ANK3: variants seen among roughly 807,000 people sequenced by gnomAD.
The protein encoded by ANK3 is ankyrin 3.
A neutral mutation model predicts 370.9 loss-of-function variants in ANK3; 57 were observed. The observed-to-expected ratio is 0.15, with a 90% CI of 0.12 to 0.19. The LOEUF is 0.19. Among genes scored for constraint, ANK3 ranks in the 10% least tolerant of loss-of-function variants. ANK3 has a pLI of 1.00. For synonymous variants in ANK3, 1,929 were observed against 1,946.3 expected, an observed-to-expected ratio of 0.99 and a Z score of 0.23; for missense variants, 4,439 against 5,302.1, an observed-to-expected ratio of 0.84 and a Z score of 5.06.
rs749129953 is a variant in ANK3, at chr10:60,071,192, C to G, written c.9689G>C (p.Arg3230Pro). 1.2e-6 allele frequency: 2 copies of G among 1,614,138 alleles called. No homozygotes were observed. The highest frequency in any genetic ancestry group is 3.3e-5 in the Admixed American group (2 of 60,016). ...TTTGCTCACGTCATTAGGCATTTCA[C>G]GCTCAACTGCTGTTTCCTCCACTGT... ...QTTVEETAVE[R>P]EMPNDVSKDS... Residue 3230 changes from arginine (R) to proline (P), a missense_variant, in exon 37 of 44, where the codon CGT becomes CCT. By Grantham distance (103) the Arg-to-Pro change is moderately radical. Around this residue, in one of 13 missense-constraint regions of ANK3, gnomAD observed 1,601 missense variants for 1,731.7 expected, o/e 0.92. Transcript: ENST00000280772.
At position 60,504,347 on chromosome 10, in the gene ANK3, T is replaced by G. The variant is rs7903447; in HGVS notation, c.96+110839A>C. Among the ~76,000 whole-genome samples, 1,295 of 152,298 alleles carry G rather than the reference T, an allele frequency of 8.5e-3. 8 individuals carry two copies. The highest frequency in any genetic ancestry group is 0.013 in the African/African-American group (551 of 41,580). On this transcript the variant is annotated intron_variant, in intron 2 of 43. Coordinates refer to the ANK3 transcript ENST00000373827. ...ATGACAGGCATGGTAGGTGCAGCTT[T>G]CTTTATGCATAGCCAAATTTAGAGA... is the stretch of plus-strand genomic sequence containing the variant.
rs1180863397 is a variant in ANK3, at chr10:60,389,591, A to G, written c.-53T>C. 16 of 1,605,096 alleles carry G rather than the reference A, an allele frequency of 1.0e-5. No homozygotes were observed. The highest frequency in any genetic ancestry group is 1.7e-4 in the Middle Eastern group (1 of 6,016). ...ACACACGGCTTCCTTGTAAAAGGTG[A>G]TATCCTCAGGCACCTCTAATCAGGC... On this transcript the variant is annotated 5_prime_UTR_variant, in exon 1 of 44. Coordinates refer to ENST00000280772, the MANE Select transcript of ANK3 (RefSeq NM_020987.5).
chr10:60,075,094 G>T lies in ANK3; in HGVS notation c.5787C>A (p.Phe1929Leu), dbSNP rs749828001. Reference sequence around the variant, plus strand: ...TCCCTTCCTTTGGGAGTTCAGGTTGGAATGGCTTCTCCTCAGGCACATCTG... The same window carrying T: ...TCCCTTCCTTTGGGAGTTCAGGTTGTAATGGCTTCTCCTCAGGCACATCTG... ...LQTDVPEEKP[F>L]QPELPKEGRI... Residue 1929 changes from phenylalanine to leucine, a missense_variant, in exon 37 of 44, where the codon TTC becomes TTA. By Grantham distance (22) the Phe-to-Leu change is conservative (BLOSUM62 0). Around this residue, in one of 13 missense-constraint regions of ANK3, gnomAD observed 679 missense variants for 791.0 expected, o/e 0.86. Coordinates refer to ENST00000280772, the MANE Select transcript of ANK3 (RefSeq NM_020987.5). The T allele has an allele frequency of 6.2e-7, 1 of 1,614,022 alleles. No homozygotes were observed. The highest frequency in any genetic ancestry group is 1.1e-5 in the South Asian group (1 of 91,062).
At position 60,217,372 on chromosome 10, in the gene ANK3, C is replaced by T. The variant is rs374629916; in HGVS notation, c.898-3862G>A. On this transcript the variant is annotated intron_variant, in intron 8 of 43. Transcript: ENST00000280772. ...ATTAGGGTGTCGATCTGAGATCTTT[C>T]AAGCTTTCTGATGTGGGCATTTAGT... Among the ~76,000 whole-genome samples, 136 of 152,254 alleles carry T rather than the reference C, an allele frequency of 8.9e-4. 1 individual carries two copies. Among genetic ancestry groups the T allele is most frequent in the African/African-American group, 3.1e-3 (130 of 41,548 alleles).
Position 60,042,907 on chromosome 10 carries a change from T to G in ANK3, c.13066-148A>C, listed in dbSNP as rs559370085. The G allele has an allele frequency of 4.1e-6, 6 of 1,471,192 alleles. No individual in the cohort carries two copies. In the East Asian group the frequency reaches 1.5e-4, roughly 36 times the overall value. The allele number at this position is 1,471,192 out of a possible 1,614,324, so 91.1% of individuals were successfully genotyped here. A position where few individuals can be genotyped will look rare whatever the true frequency, so the allele number is the denominator to read the frequency against. ...CATGTCCAAAAATACGTACAATCTT[T>G]AGCTTAACCACACAGTTTAGCATCA... On this transcript the variant is annotated intron_variant, in intron 42 of 43. Transcript: ENST00000280772.
At chr10:60,421,244 T>C (rs1054005590) in intron 2 of ANK3, among the ~76,000 whole-genome samples, 2 of 152,054 alleles carry the variant, frequency 1.3e-5, no homozygotes, top group Non-Finnish European at 1.5e-5. Flanking sequence ...ATTTTGGAGA[T>C]AGATAGTAGG....
chr10:60,640,255 AG>A (rs2078613527), intron 1 of ANK3, among the ~76,000 whole-genome samples: 2 of 150,806 alleles, frequency 1.3e-5, no homozygotes, highest in Non-Finnish European at 3.0e-5. Context: ...TCCAATCAAT[AG>A]AAAAAGAGGG....
intron 1 of ANK3, among the ~76,000 whole-genome samples, chr10:60,348,886 G>T (rs191924766): frequency 7.2e-5 from 11 of 152,270 alleles, no homozygotes; most frequent in Admixed American, 7.2e-4. Context: ...AATGAAAGGG[G>T]TATATCCATT....
rs1186236799 is a variant in ANK3 at position 60,064,285 on chromosome 10, A to G, written c.12323T>C (p.Leu4108Pro). 1 of 1,564,472 alleles carries G rather than the reference A, an allele frequency of 6.4e-7. No homozygotes were observed. Among genetic ancestry groups the G allele is most frequent in the Non-Finnish European group, 8.6e-7 (1 of 1,165,514 alleles). Reference protein sequence around the residue: ...ADHLGLSWTELARELNFSVDE... With the variant: ...ADHLGLSWTEPARELNFSVDE... ...CACTGAAAAATTCAGTTCCCTTGCCAGTTCTGTAGAAAAGAAAGAGAGTTA... is the reference window on the plus strand; with the variant it reads ...CACTGAAAAATTCAGTTCCCTTGCCGGTTCTGTAGAAAAGAAAGAGAGTTA... Residue 4108 changes from leucine (L) to proline (P), a missense_variant, in exon 39 of 44, where the codon CTG becomes CCG. Leu to Pro is a moderately conservative substitution (Grantham distance 98). This residue lies in a region of ANK3 where 99 missense variants were observed against 150.7 expected (regional missense o/e 0.66). Transcript: ENST00000280772.
At chr10:60,064,322 T>C in intron 38 of ANK3, 34 bp from the exon 39 acceptor site, 1 of 1,542,058 alleles carries the variant, frequency 6.5e-7, no homozygotes, top group Non-Finnish European at 8.6e-7. Flanking sequence ...TAAGATTGCA[T>C]ATTCTACTTT....
At chr10:60,446,763 T>C (rs1274269929) in intron 2 of ANK3, among the ~76,000 whole-genome samples, 1 of 152,172 alleles carries the variant, frequency 6.6e-6, no homozygotes, top group Non-Finnish European at 1.5e-5. Context: ...GCTAGGATAC[T>C]ACAAGATATT....
At chr10:60,160,339 A>T (rs1040580790) in intron 23 of ANK3, among the ~76,000 whole-genome samples, 3 of 152,106 alleles carry the variant, frequency 2.0e-5, no homozygotes, top group African/African-American at 7.2e-5. Flanking sequence ...CATAAAGCCT[A>T]CAAAGATTGA....
intron 1 of ANK3, among the ~76,000 whole-genome samples, chr10:60,693,346 C>G (rs2079387428): frequency 6.6e-6 from 1 of 152,238 alleles, no homozygotes; most frequent in African/African-American, 2.4e-5. Context: ...ATTGCCCAGG[C>G]TTGCTTAGGT....
chr10:60,529,195 C>T (rs1215650061), intron 2 of ANK3, among the ~76,000 whole-genome samples: 2 of 152,096 alleles, frequency 1.3e-5, no homozygotes, highest in East Asian at 1.9e-4. Context: ...TGAGAGAAAA[C>T]ATGTCTGCAA....
At chr10:60,336,081 A>T (rs1479634118) in intron 1 of ANK3, among the ~76,000 whole-genome samples, 1 of 150,128 alleles carries the variant, frequency 6.7e-6, no homozygotes, top group Non-Finnish European at 1.5e-5. Context: ...GATTTTTAAC[A>T]TAGTTTGGCG....
chr10:60,257,712 G>T (rs148963805), intron 7 of ANK3, among the ~76,000 whole-genome samples: 9 of 152,024 alleles, frequency 5.9e-5, no homozygotes, highest in African/African-American at 1.9e-4. Context: ...CTGCTGCTTG[G>T]TAACATTTAC....
intron 43 of ANK3, among the ~76,000 whole-genome samples, chr10:60,035,181 G>T (rs1278048259): frequency 3.7e-4 from 56 of 151,972 alleles, no homozygotes; most frequent in Non-Finnish European, 1.5e-5. Context: ...TAACCCTGAG[G>T]TACTATTATT....
At chr10:60,342,662 G>A (rs2054526445) in intron 1 of ANK3, among the ~76,000 whole-genome samples, 1 of 152,166 alleles carries the variant, frequency 6.6e-6, no homozygotes, top group South Asian at 2.1e-4. Flanking sequence ...TCAGTGAGCA[G>A]TGGTTCACTA....
intron 1 of ANK3, among the ~76,000 whole-genome samples, chr10:60,703,065 A>AT (rs950729243): frequency 1.3e-5 from 2 of 152,178 alleles, no homozygotes; most frequent in African/African-American, 4.8e-5. Context: ...AAACCCACAG[A>AT]TTAAAGACTC....
Sources: gnomAD v4.1 joint callset for allele counts (sites outside exome capture counted in the v4.1 genomes callset) on GRCh38, gnomAD v4.1.1 for gene constraint, gnomAD v4.1.1 regional missense constraint, MANE v1.5 for transcripts, NCBI Gene and HGNC (gene_info 2026-07-23, HGNC 2026-07-21) for gene names.